VAPA: variants seen among roughly 807,000 people sequenced by gnomAD.
The protein encoded by VAPA is vesicle-associated membrane protein-associated protein A.
A neutral mutation model predicts 25.6 loss-of-function variants in VAPA; 6 were observed. The ratio of observed to expected loss-of-function variants is 0.23; its 90% confidence interval spans 0.13 to 0.46. The LOEUF (loss-of-function observed/expected upper bound fraction) is 0.46. Among genes scored for constraint, VAPA ranks in the 20% least tolerant of loss-of-function variants. The pLI is 0.99. For synonymous variants in VAPA, 112 were observed against 106.2 expected (o/e 1.05, Z -0.34); for missense variants, 244 against 302.1 (o/e 0.81, Z 1.43).
chr18:9,915,234 C>T (rs183597071), intron 1 of VAPA, among the ~76,000 whole-genome samples: 240 of 152,236 alleles, frequency 1.6e-3, no homozygotes, highest in African/African-American at 5.5e-3. Flanking sequence ...GACTTTTTTG[C>T]TTTTACGTTT....
intron 2 of VAPA, among the ~76,000 whole-genome samples, chr18:9,932,691 G>A (rs1302853335): frequency 6.6e-6 from 1 of 152,158 alleles, no homozygotes; most frequent in African/African-American, 2.4e-5. Context: ...CTCTCAGGCT[G>A]CATTTACTCT....
In VAPA at chr18:9,920,225, C is replaced by T. The variant is rs983914671; in HGVS notation, c.79+5890C>T. On this transcript the variant is annotated intron_variant, in intron 1 of 5. Transcript: ENST00000400000. ...ATGGGTGTGTTACTTAAGAAAAGGT[C>T]TGGGCTTTGGATAATTTCCTTACTT... Among the ~76,000 whole-genome samples the T allele has an allele frequency of 3.1e-4, 47 of 152,128 alleles. 1 individual carries two copies.
intron 2 of VAPA, among the ~76,000 whole-genome samples, chr18:9,933,836 C>T (rs2069281024): frequency 1.3e-5 from 2 of 152,106 alleles, no homozygotes; most frequent in African/African-American, 2.4e-5. Flanking sequence ...CTGCGCCTGG[C>T]CAGAAGATAT....
At chr18:9,929,161 T>C (rs1258826552) in intron 1 of VAPA, among the ~76,000 whole-genome samples, 1 of 152,166 alleles carries the variant, frequency 6.6e-6, no homozygotes, top group Non-Finnish European at 1.5e-5. Flanking sequence ...CCTGTTCACG[T>C]AATAGATGAA....
At chr18:9,948,026 C>T (rs971319787) in intron 4 of VAPA, 1 of 152,168 alleles carries the variant, frequency 6.6e-6, no homozygotes, top group African/African-American at 2.4e-5. Context: ...TTATTGGGCA[C>T]ACTTTTGAAA....
In VAPA at chr18:9,957,371, T is replaced by C. The variant is rs2069562270; in HGVS notation, c.*3160T>C. ...CTTAGATGTTCACCTAAAGTTGATATTATTTGGTATGGGAATTACTTTTGA... is the reference window on the plus strand; with the variant it reads ...CTTAGATGTTCACCTAAAGTTGATACTATTTGGTATGGGAATTACTTTTGA... On this transcript the variant is annotated 3_prime_UTR_variant, in exon 6 of 6. Coordinates refer to ENST00000400000, the MANE Select transcript of VAPA (RefSeq NM_194434.3). The C allele has an allele frequency of 1.3e-5, 2 of 152,170 alleles. No homozygotes were observed. Among genetic ancestry groups the C allele is most frequent in the Non-Finnish European group, 2.9e-5 (2 of 68,028 alleles). 9.4% of individuals were successfully genotyped at this position (152,170 alleles called of 1,614,324 possible).
At chr18:9,935,094 CAAAA>C (rs34998578) in intron 2 of VAPA, among the ~76,000 whole-genome samples, 6 of 86,864 alleles carry the variant, frequency 6.9e-5, no homozygotes, top group East Asian at 4.9e-4. Context: ...GACTCCGTCT[CAAAA>C]AAAAAAAAAA....
intron 4 of VAPA, among the ~76,000 whole-genome samples, chr18:9,941,724 T>C (rs989654795): frequency 6.6e-6 from 1 of 152,222 alleles, no homozygotes; most frequent in Non-Finnish European, 1.5e-5. Flanking sequence ...AGGGCATTAT[T>C]GGATAGTGTG....
At chr18:9,930,809 T>A (rs1257962927) in intron 1 of VAPA, among the ~76,000 whole-genome samples, 1 of 152,070 alleles carries the variant, frequency 6.6e-6, no homozygotes, top group Non-Finnish European at 1.5e-5. Context: ...ATCTCCTTCC[T>A]CTCATCCTAG....
intron 1 of VAPA, among the ~76,000 whole-genome samples, chr18:9,930,267 A>G (rs1301825900): frequency 2.0e-5 from 3 of 152,154 alleles, no homozygotes; most frequent in African/African-American, 7.2e-5. Context: ...ATTTTGTGAC[A>G]TGTCTTTTTG....
chr18:9,935,463 A>C (rs762250531), intron 2 of VAPA, among the ~76,000 whole-genome samples: 1 of 152,172 alleles, frequency 6.6e-6, no homozygotes, highest in Non-Finnish European at 1.5e-5. Context: ...AGTCTTAGCT[A>C]TTTAGGAGCC....
At chr18:9,928,352 A>G (rs1399730824) in intron 1 of VAPA, among the ~76,000 whole-genome samples, 5 of 152,158 alleles carry the variant, frequency 3.3e-5, no homozygotes, top group South Asian at 2.1e-4. Context: ...GGAATTATCA[A>G]AAGTTAAATA....
chr18:9,927,875 C>T lies in VAPA; in HGVS notation c.80-3935C>T, dbSNP rs758609560. ...AGTGACAGCTGTAGAGGAGTTGGGA[C>T]AGAATACTTAGTGGCAGGAAATGGT... On this transcript the variant is annotated intron_variant, in intron 1 of 5. Transcript: ENST00000400000. 4.7e-4 allele frequency among the ~76,000 whole-genome samples: 71 copies of T among 151,996 alleles called. 1 individual carries two copies. The highest frequency in any genetic ancestry group is 9.4e-4 in the Non-Finnish European group (64 of 67,968).
rs1276428137 is a variant in VAPA, at chr18:9,914,464, T to C, written c.79+129T>C. ...GCCCCCTCCCCCACGCCCCGGCGCC[T>C]TCCCTTTCCCGGCTGCTTTCTTGCC... On this transcript the variant is annotated intron_variant, in intron 1 of 5. Coordinates refer to ENST00000400000, the MANE Select transcript of VAPA (RefSeq NM_194434.3). The C allele has an allele frequency of 7.5e-5, 55 of 731,106 alleles. 1 individual carries two copies. Among genetic ancestry groups the C allele is most frequent in the Non-Finnish European group, 1.0e-4 (51 of 502,826 alleles). The allele number at this position is 731,106 out of a possible 1,614,324, so 45.3% of individuals were successfully genotyped here.
At chr18:9,940,667 G>A (rs2069357722) in intron 4 of VAPA, among the ~76,000 whole-genome samples, 1 of 152,112 alleles carries the variant, frequency 6.6e-6, no homozygotes, top group Non-Finnish European at 1.5e-5. Flanking sequence ...GAATGGGCGG[G>A]TACTTCTATG....
At chr18:9,928,797 G>A (rs1462462849) in intron 1 of VAPA, among the ~76,000 whole-genome samples, 3 of 152,164 alleles carry the variant, frequency 2.0e-5, no homozygotes, top group Admixed American at 2.0e-4. Flanking sequence ...TAATGAAGTA[G>A]TCAGATACTT....
At chr18:9,936,287 AACTT>A (rs2069309340) in intron 3 of VAPA, 74 bp downstream of exon 3, 4 of 956,262 alleles carry the variant, frequency 4.2e-6, no homozygotes, top group Non-Finnish European at 5.9e-6. Context: ...TCAGTAGAAA[AACTT>A]AATTTCTAAA....
At chr18:9,928,472 CTT>C (rs1021082513) in intron 1 of VAPA, among the ~76,000 whole-genome samples, 20 of 152,172 alleles carry the variant, frequency 1.3e-4, no homozygotes, top group Admixed American at 1.2e-3. Flanking sequence ...ATTATCCTGA[CTT>C]TTATGGTGGC....
intron 4 of VAPA, among the ~76,000 whole-genome samples, chr18:9,945,404 A>G (rs567397306): frequency 8.9e-6 from 1 of 112,378 alleles, no homozygotes; most frequent in South Asian, 3.1e-4. Context: ...TCTGTCACCC[A>G]GGCTGGAGTG....
Sources: gnomAD v4.1 joint callset for allele counts (sites outside exome capture counted in the v4.1 genomes callset) on GRCh38, gnomAD v4.1.1 for gene constraint, MANE v1.5 for transcripts, NCBI Gene and HGNC (gene_info 2026-07-23, HGNC 2026-07-21) for gene names.